The following SPG21 variants were observed in gnomAD, a reference collection of about 807,000 sequenced individuals.
SPG21 encodes SPG21 abhydrolase domain containing, maspardin, also known as maspardin.
Under a neutral mutation model 38.9 loss-of-function variants are expected in SPG21, and 26 were observed. The ratio of observed to expected loss-of-function variants is 0.67; its 90% CI spans 0.49 to 0.93. The LOEUF is 0.93. Ranked by LOEUF, SPG21 falls within the 40% of genes least tolerant of loss-of-function variation. SPG21 has a pLI of 0.00. For missense variants in SPG21, 333 were observed against 376.5 expected, an observed-to-expected ratio of 0.88 and a Z score of 0.96; for synonymous variants, 136 against 128.9, an observed-to-expected ratio of 1.05 and a Z score of -0.37.
chr15:64,967,108 T>C (rs2085555030), intron 7 of SPG21, among the ~76,000 whole-genome samples: 1 of 152,054 alleles, frequency 6.6e-6, no homozygotes, highest in Non-Finnish European at 1.5e-5. Flanking sequence ...TTGTGCATTG[T>C]TGGTGGGAAC....
intron 1 of SPG21, among the ~76,000 whole-genome samples, chr15:64,984,111 C>G (rs2085940525): frequency 6.6e-6 from 1 of 152,004 alleles, no homozygotes; most frequent in African/African-American, 2.4e-5. Flanking sequence ...AGAAATTATT[C>G]CAACACCCTT....
At chr15:64,979,576 G>C (rs2085846264) in intron 3 of SPG21, among the ~76,000 whole-genome samples, 1 of 152,200 alleles carries the variant, frequency 6.6e-6, no homozygotes, top group African/African-American at 2.4e-5. Flanking sequence ...TCTCAAGTAA[G>C]AGACGGGCTC....
intron 1 of SPG21, among the ~76,000 whole-genome samples, chr15:64,986,859 A>G (rs999803026): frequency 6.6e-6 from 1 of 152,246 alleles, no homozygotes; most frequent in Non-Finnish European, 1.5e-5. Flanking sequence ...AAATACTTCT[A>G]TATCATCTAA....
chr15:64,980,881 C>G lies in SPG21; in HGVS notation c.208G>C (p.Gly70Arg). 6.2e-7 allele frequency: 1 copy of G among 1,613,624 alleles called. No homozygotes were observed. Among genetic ancestry groups the G allele is most frequent in the Non-Finnish European group, 8.5e-7 (1 of 1,179,954 alleles). The change falls in exon 3 of 9, where the codon GGT becomes CGT. Residue 70 changes from glycine to arginine, a missense_variant. Physicochemically the swap from Gly to Arg is moderately radical, Grantham distance 125. Coordinates refer to ENST00000204566, the MANE Select transcript of SPG21 (RefSeq NM_016630.7). ...FRQILALTGWGYRVIALQYPV... is the reference protein window; with the variant it reads ...FRQILALTGWRYRVIALQYPV... ...ATACTTACAGCGATAACCCGGTAACCCCATCCAGTCAGAGCCAAAATCTGC... is the reference window on the plus strand; with the variant it reads ...ATACTTACAGCGATAACCCGGTAACGCCATCCAGTCAGAGCCAAAATCTGC...
rs557788112 is a variant in SPG21, at chr15:64,963,843, G to A, written c.811-107C>T. ...ACTATCTTGGTTCACTCCAACCTCC[G>A]CCTCCCGGGTTCACCCAATTCTCCT... On this transcript the variant is annotated intron_variant, in intron 8 of 8. Transcript: ENST00000204566. 2.2e-4 allele frequency: 217 copies of A among 966,316 alleles called. No individual in the cohort carries two copies. In the African/African-American group the frequency reaches 3.2e-3, roughly 14 times the overall value. 59.9% of individuals were successfully genotyped at this position (966,316 alleles called of 1,614,324 possible).
chr15:64,965,002 C>G (rs1360886671), intron 8 of SPG21, among the ~76,000 whole-genome samples: 1 of 152,106 alleles, frequency 6.6e-6, no homozygotes. Flanking sequence ...CCATTTAGGT[C>G]TGGTGTCTTG....
intron 3 of SPG21, 37 bp downstream of exon 3, chr15:64,980,827 C>T: frequency 2.5e-6 from 4 of 1,598,452 alleles, no homozygotes; most frequent in South Asian, 1.1e-5. Flanking sequence ...AAAAAACACA[C>T]AAAACGTGGG....
At chr15:64,970,485 G>A (rs1475198392) in intron 5 of SPG21, among the ~76,000 whole-genome samples, 1 of 152,140 alleles carries the variant, frequency 6.6e-6, no homozygotes, top group Non-Finnish European at 1.5e-5. Context: ...TAGACATTCT[G>A]ATGAGTCCAA....
In SPG21 at chr15:64,975,527, C is replaced by CAA. The variant is rs34728521; in HGVS notation, c.307-782_307-781dup. Among the ~76,000 whole-genome samples, 140 of 126,100 alleles carry CAA rather than the reference C, an allele frequency of 1.1e-3. 1 individual carries two copies. The highest frequency in any genetic ancestry group is 8.2e-3 in the East Asian group (38 of 4,632). 82.7% of individuals were successfully genotyped at this position (126,100 alleles called of 152,430 possible). A position where few individuals can be genotyped will look rare whatever the true frequency, so the allele number is the denominator to read the frequency against. ...TGGGCAACAAAGTGAAAGCCTGTCT[C>CAA]AAAAAAAAAAAAAAAGAAAAAACTC... On this transcript the variant is annotated intron_variant, in intron 4 of 8. Transcript: ENST00000204566.
rs1184698772 is a variant in SPG21 at position 64,983,515 on chromosome 15, G to C, written c.55C>G (p.Leu19Val). ...AGTAAAACCATACATACCTTTTTAA[G>C]GGGAACTGTACCTCTAAACCAGTTA... ...DYNWFRGTVPLKKIIVDDDDS... is the reference protein window; with the variant it reads ...DYNWFRGTVPVKKIIVDDDDS... Residue 19 changes from leucine (L) to valine (V), a missense_variant, in exon 2 of 9, where the codon CTT becomes GTT. By Grantham distance (32) the Leu-to-Val change is conservative (BLOSUM62 1). Transcript: ENST00000204566. 1 of 1,575,882 alleles carries C rather than the reference G, an allele frequency of 6.3e-7. No homozygotes were observed. The highest frequency in any genetic ancestry group is 1.2e-5 in the South Asian group (1 of 86,804).
intron 4 of SPG21, among the ~76,000 whole-genome samples, chr15:64,975,287 TAA>T (rs35446656): frequency 3.7e-5 from 3 of 80,406 alleles, no homozygotes; most frequent in African/African-American, 5.3e-5. Context: ...GACTCCGTCT[TAA>T]AAAAAAAAAA....
intron 3 of SPG21, 148 bp from the exon 4 acceptor site, chr15:64,976,703 C>A: frequency 1.6e-6 from 1 of 643,606 alleles, no homozygotes; most frequent in Non-Finnish European, 2.7e-6. Flanking sequence ...TAAGCTCTCA[C>A]TTTTTACTAA....
intron 3 of SPG21, among the ~76,000 whole-genome samples, chr15:64,977,622 A>G (rs888875183): frequency 3.9e-5 from 6 of 152,176 alleles, no homozygotes; most frequent in Middle Eastern, 3.4e-3. Flanking sequence ...TGCCTCAAGC[A>G]ATATAACTGC....
chr15:64,969,496 C>A, intron 6 of SPG21, 134 bp from the exon 7 acceptor site: 1 of 700,808 alleles, frequency 1.4e-6, no homozygotes. Context: ...CAGTGAGGAA[C>A]CACAACTTAG....
At chr15:64,986,448 G>A (rs1595881880) in intron 1 of SPG21, among the ~76,000 whole-genome samples, 1 of 152,216 alleles carries the variant, frequency 6.6e-6, no homozygotes, top group Admixed American at 6.5e-5. Context: ...CAGTTTGGGA[G>A]GCTGAGGCAG....
intron 7 of SPG21, among the ~76,000 whole-genome samples, chr15:64,967,763 G>A (rs1191623807): frequency 2.6e-5 from 4 of 151,956 alleles, no homozygotes; most frequent in South Asian, 2.1e-4. Context: ...GAGCCACCGC[G>A]CCCGGCCTAA....
chr15:64,974,845 G>A (rs2085745001), intron 4 of SPG21, 98 bp from the exon 5 acceptor site: 3 of 1,343,034 alleles, frequency 2.2e-6, no homozygotes, highest in Non-Finnish European at 3.2e-6. Flanking sequence ...CACAGAATAT[G>A]TTATCACTAG....
rs774744618 is a variant in SPG21, at chr15:64,970,159, C to G, written c.516G>C (p.Pro172=). The G allele has an allele frequency of 1.7e-5, 28 of 1,614,102 alleles. 1 individual carries two copies. In the South Asian group the frequency reaches 3.0e-4, roughly 17 times the overall value. Residue 172 remains proline, a synonymous_variant, in exon 6 of 9, where the codon CCG becomes CCC. Transcript: ENST00000204566. ...KIVLGNFSSG[P]VDPMMADAID... Reference sequence around the variant, plus strand: ...TGGCATCAGCCATCATAGGGTCCACCGGGCCAGATGAAAAATTTCCAAGAA... The same window carrying G: ...TGGCATCAGCCATCATAGGGTCCACGGGGCCAGATGAAAAATTTCCAAGAA...
At chr15:64,973,126 G>A (rs1035106962) in intron 5 of SPG21, among the ~76,000 whole-genome samples, 1 of 152,006 alleles carries the variant, frequency 6.6e-6, no homozygotes, top group African/African-American at 2.4e-5. Flanking sequence ...ATGATACCTG[G>A]CTAATTTATT....
Sources: gnomAD v4.1 joint callset for allele counts (sites outside exome capture counted in the v4.1 genomes callset) on GRCh38, gnomAD v4.1.1 for gene constraint, MANE v1.5 for transcripts, NCBI Gene and HGNC (gene_info 2026-07-23, HGNC 2026-07-21) for gene names.